The following LRRC49 variants were observed in gnomAD, a reference collection of about 807,000 sequenced individuals.
LRRC49 encodes leucine rich repeat containing 49, also known as leucine-rich repeat-containing protein 49.
In LRRC49, 50 loss-of-function variants were observed where a neutral mutation model predicts 83.3. That is an observed-to-expected ratio of 0.60 (90% CI 0.48 to 0.76). The LOEUF is 0.76. Among genes scored for constraint, LRRC49 ranks in the 30% least tolerant of loss-of-function variants. The pLI, the probability that LRRC49 is intolerant of heterozygous loss-of-function variation, is 0.00. For missense variants in LRRC49, 704 were observed against 809.1 expected, an observed-to-expected ratio of 0.87 and a Z score of 1.58; for synonymous variants, 286 against 283.3, an observed-to-expected ratio of 1.01 and a Z score of -0.10.
rs1166926556 is a variant in LRRC49, at chr15:71,016,860, C to G, written c.1703+3947C>G. Among the ~76,000 whole-genome samples, 4 of 152,098 alleles carry G rather than the reference C, an allele frequency of 2.6e-5. No individual in the cohort carries two copies. In the East Asian group the frequency reaches 7.7e-4, roughly 29 times the overall value. On this transcript the variant is annotated intron_variant, in intron 14 of 15. Coordinates refer to ENST00000260382, the MANE Select transcript of LRRC49 (RefSeq NM_017691.5). ...GTGGCTCACGCCTGTAGTCCCAGCACTTTGGGAGGCTGAGGCAGGTGGATC... is the reference window on the plus strand; with the variant it reads ...GTGGCTCACGCCTGTAGTCCCAGCAGTTTGGGAGGCTGAGGCAGGTGGATC...
intron 9 of LRRC49, among the ~76,000 whole-genome samples, chr15:70,969,029 T>A (rs952391776): frequency 2.6e-5 from 4 of 152,198 alleles, no homozygotes; most frequent in Non-Finnish European, 5.9e-5. Context: ...ACCGTTGCTT[T>A]TGGTGTTTTA....
chr15:70,866,166 G>T (rs1392159243), intron 1 of LRRC49, among the ~76,000 whole-genome samples: 1 of 136,314 alleles, frequency 7.3e-6, no homozygotes, highest in Non-Finnish European at 1.6e-5. Context: ...ATTTATTTTT[G>T]AGATGGAGTC....
At chr15:70,978,847 T>C (rs753117830) in intron 9 of LRRC49, among the ~76,000 whole-genome samples, 16 of 152,182 alleles carry the variant, frequency 1.1e-4, no homozygotes, top group Non-Finnish European at 2.2e-4. Flanking sequence ...GAAAACATTC[T>C]CATCCTCTAT....
chr15:71,026,984 T>G (rs993400676), intron 14 of LRRC49, among the ~76,000 whole-genome samples: 1 of 152,230 alleles, frequency 6.6e-6, no homozygotes, highest in Non-Finnish European at 1.5e-5. Flanking sequence ...TTGTTGCCAT[T>G]GCTTTTCATG....
chr15:71,026,614 G>C (rs979796297), intron 14 of LRRC49, among the ~76,000 whole-genome samples: 1 of 152,078 alleles, frequency 6.6e-6, no homozygotes, highest in Non-Finnish European at 1.5e-5. Flanking sequence ...TCTGTTGTTT[G>C]TTGACTTTTT....
Position 70,904,691 on chromosome 15 carries a change from A to G in LRRC49, c.436A>G (p.Ile146Val), listed in dbSNP as rs1269897931. The change falls in exon 5 of 16, where the codon ATT becomes GTT. Residue 146 changes from isoleucine to valine, a missense_variant. Ile to Val is a conservative substitution (Grantham distance 29). Transcript: ENST00000260382. ...LISLDLYDNQ[I>V]EEISGLSTLR... ...ATCGTTGGATTTATATGATAACCAGATTGAAGAAATTAGTGGGCTTTCGAC... is the reference window on the plus strand; with the variant it reads ...ATCGTTGGATTTATATGATAACCAGGTTGAAGAAATTAGTGGGCTTTCGAC... The G allele has an allele frequency of 6.2e-7, 1 of 1,613,704 alleles. No individual in the cohort carries two copies. Among genetic ancestry groups the G allele is most frequent in the Non-Finnish European group, 8.5e-7 (1 of 1,179,674 alleles).
intron 14 of LRRC49, among the ~76,000 whole-genome samples, chr15:71,013,386 G>A (rs551762428): frequency 3.9e-5 from 6 of 152,288 alleles, no homozygotes; most frequent in East Asian, 1.9e-4. Flanking sequence ...ACTGATTGTG[G>A]TCTGACTTTG....
chr15:70,992,367 G>A (rs1171611685), intron 11 of LRRC49, among the ~76,000 whole-genome samples: 2 of 152,212 alleles, frequency 1.3e-5, no homozygotes, highest in Non-Finnish European at 2.9e-5. Context: ...GCGTTCCTTT[G>A]GAGGGGGAGA....
chr15:71,042,668 G>A (rs1031264620), intron 15 of LRRC49, among the ~76,000 whole-genome samples: 2 of 152,078 alleles, frequency 1.3e-5, no homozygotes, highest in Admixed American at 1.3e-4. Context: ...ATTAATTGAG[G>A]TAAGTTCTTC....
intron 12 of LRRC49, among the ~76,000 whole-genome samples, chr15:71,009,299 T>C (rs1023860334): frequency 3.3e-5 from 5 of 151,890 alleles, no homozygotes; most frequent in East Asian, 1.9e-4. Flanking sequence ...TGCGTTAACA[T>C]TGCAGTTTTA....
Position 71,052,121 on chromosome 15 carries a change from A to C in LRRC49, c.*2509A>C, listed in dbSNP as rs1330895447. 1 of 152,182 alleles carries C rather than the reference A, an allele frequency of 6.6e-6. No homozygotes were observed. Among genetic ancestry groups the C allele is most frequent in the East Asian group, 1.9e-4 (1 of 5,194 alleles). The allele number at this position is 152,182 out of a possible 1,614,324, so 9.4% of individuals were successfully genotyped here. On this transcript the variant is annotated 3_prime_UTR_variant, in exon 16 of 16. Transcript: ENST00000260382. ...CCTGGGTCTGCTGGGTTAGGGATCA[A>C]GTGAGGGTCCTATGTTGTAAGTGAG...
upstream of LRRC49, among the ~76,000 whole-genome samples, chr15:70,890,315 G>C (rs987748012): frequency 6.6e-6 from 1 of 152,204 alleles, no homozygotes; most frequent in Non-Finnish European, 1.5e-5. Flanking sequence ...ATGGTGGACA[G>C]ATGGTTCAAG....
At chr15:70,962,420 G>A (rs773738032) in intron 8 of LRRC49, among the ~76,000 whole-genome samples, 11 of 152,196 alleles carry the variant, frequency 7.2e-5, no homozygotes, top group Admixed American at 2.6e-4. Flanking sequence ...AGCTGAGAGG[G>A]ACTAAAGGAA....
chr15:70,944,902 C>A (rs1032896128), intron 8 of LRRC49, among the ~76,000 whole-genome samples: 62 of 152,136 alleles, frequency 4.1e-4, no homozygotes, highest in African/African-American at 1.5e-3. Flanking sequence ...TCATTGAGGT[C>A]TCTTCACTCT....
At chr15:71,001,040 G>T (rs952975822) in intron 11 of LRRC49, among the ~76,000 whole-genome samples, 3 of 151,518 alleles carry the variant, frequency 2.0e-5, no homozygotes, top group African/African-American at 7.3e-5. Context: ...GTTCCTTTAT[G>T]GTTTACCCAC....
intron 9 of LRRC49, among the ~76,000 whole-genome samples, chr15:70,969,797 G>A (rs372632900): frequency 1.3e-5 from 2 of 152,146 alleles, no homozygotes; most frequent in East Asian, 3.9e-4. Context: ...TTGGTGTATA[G>A]GAATGCTTGT....
intron 11 of LRRC49, among the ~76,000 whole-genome samples, chr15:71,003,987 G>C (rs1186824243): frequency 6.6e-6 from 1 of 152,102 alleles, no homozygotes; most frequent in Non-Finnish European, 1.5e-5. Context: ...TCTGAAGTGG[G>C]GCTTTGAGAG....
At chr15:71,045,873 A>T (rs2141311806) in intron 15 of LRRC49, among the ~76,000 whole-genome samples, 1 of 152,162 alleles carries the variant, frequency 6.6e-6, no homozygotes, top group South Asian at 2.1e-4. Context: ...TGTTGTTCCC[A>T]TATTTATGTT....
chr15:71,044,076 CCTT>C (rs1187160323), intron 15 of LRRC49, among the ~76,000 whole-genome samples: 2 of 152,112 alleles, frequency 1.3e-5, no homozygotes, highest in Non-Finnish European at 1.5e-5. Context: ...TCACACTTGT[CCTT>C]CTTTGTAGGA....
Sources: allele counts gnomAD v4.1 joint callset (sites outside exome capture counted in the v4.1 genomes callset), GRCh38; gene constraint gnomAD v4.1.1; transcripts MANE v1.5; gene names NCBI Gene and HGNC (gene_info 2026-07-23, HGNC 2026-07-21).